TBC1D5: variants seen among roughly 807,000 people sequenced by gnomAD.
TBC1D5 encodes TBC1 domain family member 5.
Under a neutral mutation model 100.3 loss-of-function variants are expected in TBC1D5, and 75 were observed. That is an observed-to-expected ratio of 0.75 (90% CI 0.62 to 0.91). The LOEUF is 0.91. TBC1D5 is among the 40% of genes least tolerant of loss of function. The pLI is 0.00. For synonymous variants in TBC1D5, 323 were observed against 325.6 expected (o/e 0.99, Z 0.09); for missense variants, 910 against 942.4 (o/e 0.97, Z 0.45).
intron 1 of TBC1D5, among the ~76,000 whole-genome samples, chr3:17,685,244 T>G (rs942107641): frequency 2.0e-5 from 3 of 151,962 alleles, no homozygotes; most frequent in Non-Finnish European, 4.4e-5. Flanking sequence ...TACTTTTGCC[T>G]TAGAGCTGAT....
At chr3:17,547,970 T>C (rs1244775847) in intron 2 of TBC1D5, among the ~76,000 whole-genome samples, 1 of 152,216 alleles carries the variant, frequency 6.6e-6, no homozygotes, top group Non-Finnish European at 1.5e-5. Flanking sequence ...GGCTAAGATC[T>C]AAAACATATA....
rs533818044 is a variant in TBC1D5 at position 17,374,459 on chromosome 3, T to C, written c.822+12A>G. 1.9e-6 allele frequency: 3 copies of C among 1,608,044 alleles called. No homozygotes were observed. The highest frequency in any genetic ancestry group is 1.7e-6 in the Non-Finnish European group (2 of 1,177,012). ...TAGCATATACTGAAAAGATCTGTAC[T>C]ATAAGATTTACCTTCTGACCATCAT... is the stretch of plus-strand genomic sequence containing the variant. On this transcript the variant is annotated intron_variant, in intron 12 of 21. Transcript: ENST00000253692.
chr3:17,636,249 A>C (rs1278857691), intron 1 of TBC1D5, among the ~76,000 whole-genome samples: 1 of 152,180 alleles, frequency 6.6e-6, no homozygotes, highest in East Asian at 1.9e-4. Context: ...TTGATGGGAA[A>C]GATCCAGTAA....
At chr3:17,641,606 T>A (rs1238321247) in intron 1 of TBC1D5, among the ~76,000 whole-genome samples, 1 of 152,130 alleles carries the variant, frequency 6.6e-6, no homozygotes, top group Non-Finnish European at 1.5e-5. Flanking sequence ...CTATTCCTCC[T>A]CCTACTACTA....
At chr3:17,571,032 A>G (rs1320319611) in intron 2 of TBC1D5, among the ~76,000 whole-genome samples, 1 of 152,050 alleles carries the variant, frequency 6.6e-6, no homozygotes, top group Non-Finnish European at 1.5e-5. Context: ...AGAGGGCAAC[A>G]TGCTTGACTC....
intron 2 of TBC1D5, among the ~76,000 whole-genome samples, chr3:17,520,666 T>C (rs2096054800): frequency 6.6e-6 from 1 of 151,998 alleles, no homozygotes; most frequent in African/African-American, 2.4e-5. Context: ...GTCCAGGAAA[T>C]GGGTTGCCAA....
At chr3:17,268,734 G>T (rs2079074639) in intron 15 of TBC1D5, among the ~76,000 whole-genome samples, 1 of 152,050 alleles carries the variant, frequency 6.6e-6, no homozygotes, top group African/African-American at 2.4e-5. Context: ...TTCAGTAAGG[G>T]CTTAATGAAA....
exon 22 of TBC1D5, chr3:17,160,666 T>TA (rs2065946343): frequency 2.9e-6 from 1 of 341,196 alleles, no homozygotes; most frequent in African/African-American, 2.0e-5. Context: ...GATTCGGTCT[T>TA]TTCTAACTGT....
chr3:17,723,159 A>G (rs530859171), intron 1 of TBC1D5, among the ~76,000 whole-genome samples: 4 of 152,298 alleles, frequency 2.6e-5, no homozygotes, highest in South Asian at 4.1e-4. Flanking sequence ...GGTACATTCT[A>G]AAGTAACTAA....
chr3:17,511,637 T>C (rs1224703105), intron 2 of TBC1D5, among the ~76,000 whole-genome samples: 5 of 152,006 alleles, frequency 3.3e-5, no homozygotes, highest in Non-Finnish European at 7.4e-5. Context: ...CTTAAGGTCT[T>C]TTTGACTCCT....
chr3:17,404,299 G>T (rs2093714519), intron 7 of TBC1D5, among the ~76,000 whole-genome samples: 1 of 151,842 alleles, frequency 6.6e-6, no homozygotes, highest in Admixed American at 6.6e-5. Flanking sequence ...CACTACAAAG[G>T]GTTACTTCTT....
chr3:17,319,857 G>A (rs909646556), intron 13 of TBC1D5, among the ~76,000 whole-genome samples: 3 of 152,058 alleles, frequency 2.0e-5, no homozygotes, highest in Non-Finnish European at 4.4e-5. Context: ...GCGACACAGC[G>A]AGACTCTGTC....
At chr3:17,567,054 T>A (rs1040466742) in intron 2 of TBC1D5, among the ~76,000 whole-genome samples, 1 of 151,806 alleles carries the variant, frequency 6.6e-6, no homozygotes, top group African/African-American at 2.4e-5. Flanking sequence ...TTTTTACCAA[T>A]AAATGACATT....
chr3:17,458,750 G>C (rs1275685360), intron 3 of TBC1D5, among the ~76,000 whole-genome samples: 93 of 152,082 alleles, frequency 6.1e-4, no homozygotes. Flanking sequence ...TTTACATTTG[G>C]GAGTGATGTC....
At chr3:17,444,574 C>T (rs962785132) in intron 3 of TBC1D5, among the ~76,000 whole-genome samples, 2 of 151,956 alleles carry the variant, frequency 1.3e-5, no homozygotes, top group Admixed American at 6.6e-5. Flanking sequence ...CCTTTGTGCA[C>T]AAATCCTTCC....
intron 3 of TBC1D5, among the ~76,000 whole-genome samples, chr3:17,464,557 G>C (rs2095270784): frequency 6.6e-6 from 1 of 151,810 alleles, no homozygotes; most frequent in African/African-American, 2.4e-5. Context: ...CTGGGTCATA[G>C]AGCCCTAGAA....
chr3:17,730,281 T>TG (rs2076452372), intron 1 of TBC1D5, among the ~76,000 whole-genome samples: 1 of 152,226 alleles, frequency 6.6e-6, no homozygotes. Context: ...CACCAATAGA[T>TG]GGAGTTTAAT....
At chr3:17,225,603 A>G (rs948171750) in intron 17 of TBC1D5, among the ~76,000 whole-genome samples, 1 of 152,030 alleles carries the variant, frequency 6.6e-6, no homozygotes, top group African/African-American at 2.4e-5. Flanking sequence ...GGAGTTTGAG[A>G]CCAACCTGGG....
chr3:17,612,605 G>C, intron 2 of TBC1D5, among the ~76,000 whole-genome samples: 1 of 151,980 alleles, frequency 6.6e-6, no homozygotes, highest in East Asian at 1.9e-4. Flanking sequence ...ACTCAAGCCT[G>C]GGTGACAAGA....
Sources: gnomAD v4.1 joint callset for allele counts (sites outside exome capture counted in the v4.1 genomes callset) on GRCh38, gnomAD v4.1.1 for gene constraint, MANE v1.5 for transcripts, NCBI Gene and HGNC (gene_info 2026-07-23, HGNC 2026-07-21) for gene names.